Variants in CACNA1C observed in about 807,000 individuals in gnomAD.
CACNA1C encodes the protein voltage-dependent L-type calcium channel subunit alpha-1C.
In CACNA1C, 30 loss-of-function variants were observed where a neutral mutation model predicts 229.0. The ratio of observed to expected loss-of-function variants is 0.13; its 90% CI spans 0.10 to 0.18. The LOEUF (loss-of-function observed/expected upper bound fraction) is 0.18, where lower values mean the gene tolerates loss of function less well. Ranked by LOEUF, CACNA1C falls within the 10% of genes least tolerant of loss-of-function variation. CACNA1C has a pLI of 1.00. For synonymous variants in CACNA1C, 1,114 were observed against 1,132.5 expected (o/e 0.98, Z 0.33); for missense variants, 1,658 against 2,845.0 (o/e 0.58, Z 9.49).
Position 2,029,110 on chromosome 12 carries a change from C to G in CACNA1C, c.139+57909C>G, listed in dbSNP as rs2047795966. On this transcript the variant is annotated intron_variant, in intron 1 of 46. Coordinates refer to the CACNA1C transcript ENST00000682462. The surrounding 1 kb of genome is among the most constrained non-coding windows in gnomAD (Gnocchi z 4.9). Reference sequence around the variant, plus strand: ...AAGTACCTGAGTGAGAACTGAGGCCCCATGAGTGGAAATGACTTGCTCAGT... The same window carrying G: ...AAGTACCTGAGTGAGAACTGAGGCCGCATGAGTGGAAATGACTTGCTCAGT... Among the ~76,000 whole-genome samples, 1 of 152,064 alleles carries G rather than the reference C, an allele frequency of 6.6e-6. No individual in the cohort carries two copies. Among genetic ancestry groups the G allele is most frequent in the Admixed American group, 6.6e-5 (1 of 15,264 alleles).
At chr12:2,051,992 C>G (rs1446831379), upstream of CACNA1C, among the ~76,000 whole-genome samples, 7 of 152,130 alleles carry the variant, frequency 4.6e-5, no homozygotes, top group Non-Finnish European at 1.0e-4. Flanking sequence ...AGAGGTTTTC[C>G]CCAAGAGGGA....
chr12:2,503,883 A>G (rs968272412), intron 7 of CACNA1C, among the ~76,000 whole-genome samples: 2 of 152,196 alleles, frequency 1.3e-5, no homozygotes, highest in Non-Finnish European at 2.9e-5. Flanking sequence ...GGCCCGCAGT[A>G]CGTGTGAAGC....
chr12:2,638,899 G>T (rs1484063481), intron 30 of CACNA1C, among the ~76,000 whole-genome samples: 1 of 150,712 alleles, frequency 6.6e-6, no homozygotes, highest in African/African-American at 2.5e-5. Context: ...GGACACACAG[G>T]TCAGAGGCCT....
intron 3 of CACNA1C, among the ~76,000 whole-genome samples, chr12:2,324,744 G>T (rs2096208591): frequency 1.3e-5 from 2 of 152,084 alleles, no homozygotes; most frequent in African/African-American, 4.8e-5. Context: ...TCCTTGGCGG[G>T]CTTGCTTGGA....
intron 5 of CACNA1C, among the ~76,000 whole-genome samples, chr12:2,484,348 A>G (rs1202865123): frequency 6.6e-6 from 1 of 152,062 alleles, no homozygotes; most frequent in Non-Finnish European, 1.5e-5. Flanking sequence ...AGCATATTCA[A>G]CTCTCTAAAA....
At chr12:2,475,449 A>G (rs1429537361) in intron 5 of CACNA1C, among the ~76,000 whole-genome samples, 4 of 152,264 alleles carry the variant, frequency 2.6e-5, no homozygotes, top group Non-Finnish European at 5.9e-5. Flanking sequence ...TGGAATTGTC[A>G]GATATAGACT....
At chr12:2,107,896 C>T (rs2079825047) in intron 1 of CACNA1C, among the ~76,000 whole-genome samples, 3 of 152,244 alleles carry the variant, frequency 2.0e-5, no homozygotes, top group African/African-American at 7.2e-5. Context: ...CCCACAAGGA[C>T]TTTGTCTTAA....
Position 2,486,280 on chromosome 12 carries a change from C to T in CACNA1C, c.916+18C>T, listed in dbSNP as rs1299009849. Reference sequence around the variant, plus strand: ...CATAGCAGGTAAGAGGGGCAGGCGGCTGCGCTCCCAAGGCCCTGCCCTCTA... The same window carrying T: ...CATAGCAGGTAAGAGGGGCAGGCGGTTGCGCTCCCAAGGCCCTGCCCTCTA... On this transcript the variant is annotated intron_variant, in intron 6 of 46. Coordinates refer to ENST00000399655, the MANE Select transcript of CACNA1C (RefSeq NM_000719.7). This position sits in a 1 kb window ranked among gnomAD's most constrained non-coding sequence, Gnocchi z 4.9. 3 of 1,608,104 alleles carry T rather than the reference C, an allele frequency of 1.9e-6. No homozygotes were observed. The highest frequency in any genetic ancestry group is 2.6e-6 in the Non-Finnish European group (3 of 1,176,078).
chr12:2,230,225 G>A (rs1327359894), intron 3 of CACNA1C, among the ~76,000 whole-genome samples: 6 of 152,186 alleles, frequency 3.9e-5, no homozygotes, highest in Non-Finnish European at 7.4e-5. Flanking sequence ...GGGCGGGCCT[G>A]GCGCGTCTAG....
At chr12:2,265,326 T>C (rs2081963258) in intron 3 of CACNA1C, among the ~76,000 whole-genome samples, 1 of 152,234 alleles carries the variant, frequency 6.6e-6, no homozygotes. Context: ...GGAGCATTTG[T>C]TCCACTCCTG....
At position 2,007,346 on chromosome 12, in the gene CACNA1C, G is replaced by C. The variant is rs377158836; in HGVS notation, c.139+36145G>C. Among the ~76,000 whole-genome samples the C allele has an allele frequency of 8.5e-5, 13 of 152,274 alleles. No homozygotes were observed. In the East Asian group the frequency reaches 1.2e-3, roughly 14 times the overall value. On this transcript the variant is annotated intron_variant, in intron 1 of 46. Transcript: ENST00000682462. Reference sequence around the variant, plus strand: ...TGGCCTCCAAAGAACGAATTGCTTTGAGCTCATTAGAGAAGACAGGCAATA... The same window carrying C: ...TGGCCTCCAAAGAACGAATTGCTTTCAGCTCATTAGAGAAGACAGGCAATA...
chr12:2,513,203 T>C (rs1302656636), intron 9 of CACNA1C, among the ~76,000 whole-genome samples: 1 of 152,224 alleles, frequency 6.6e-6, no homozygotes, highest in African/African-American at 2.4e-5. Flanking sequence ...CATGCTCCTT[T>C]TAGAATATTT....
intron 3 of CACNA1C, among the ~76,000 whole-genome samples, chr12:2,254,328 T>A (rs1481531041): frequency 6.6e-6 from 1 of 152,186 alleles, no homozygotes; most frequent in Non-Finnish European, 1.5e-5. Flanking sequence ...GGATGTAGGC[T>A]GAGTCTTATC....
At position 2,376,323 on chromosome 12, in the gene CACNA1C, C is replaced by T. The variant is rs116750017; in HGVS notation, c.478-72653C>T. Among the ~76,000 whole-genome samples, 260 of 152,272 alleles carry T rather than the reference C, an allele frequency of 1.7e-3. 1 individual carries two copies. The highest frequency in any genetic ancestry group is 6.0e-3 in the African/African-American group (251 of 41,550). On this transcript the variant is annotated intron_variant, in intron 3 of 46. Coordinates refer to ENST00000399655, the MANE Select transcript of CACNA1C (RefSeq NM_000719.7). ...CTGAGCCTCTGTATGTGAGGACAAG[C>T]GCCCATTCTTCTTCTTATTGCAGAG...
intron 3 of CACNA1C, among the ~76,000 whole-genome samples, chr12:2,252,970 C>T (rs1160641531): frequency 6.6e-6 from 1 of 152,010 alleles, no homozygotes; most frequent in Non-Finnish European, 1.5e-5. Flanking sequence ...CCTTGTGTTA[C>T]ATGGGCAGGG....
At chr12:2,136,462 TA>T (rs1365387162) in intron 3 of CACNA1C, among the ~76,000 whole-genome samples, 2 of 151,468 alleles carry the variant, frequency 1.3e-5, no homozygotes, top group African/African-American at 4.8e-5. Flanking sequence ...TCTGTGCTTT[TA>T]ACTGCTATGC....
intron 3 of CACNA1C, among the ~76,000 whole-genome samples, chr12:2,292,525 C>A (rs1290059953): frequency 1.3e-5 from 2 of 152,180 alleles, no homozygotes; most frequent in African/African-American, 4.8e-5. Context: ...CGTTTGAAAC[C>A]TCCAGGACTT....
At chr12:2,422,829 C>T (rs1449163380) in intron 3 of CACNA1C, among the ~76,000 whole-genome samples, 1 of 152,104 alleles carries the variant, frequency 6.6e-6, no homozygotes, top group Non-Finnish European at 1.5e-5. Flanking sequence ...ACTGCAGCGG[C>T]CCGTGGGGCA....
chr12:2,249,338 A>C (rs1255095813), intron 3 of CACNA1C, among the ~76,000 whole-genome samples: 1 of 152,230 alleles, frequency 6.6e-6, no homozygotes, highest in Non-Finnish European at 1.5e-5. Context: ...GTATCAGAAC[A>C]TAGCCACACG....
Sources: gnomAD v4.1 joint callset for allele counts (sites outside exome capture counted in the v4.1 genomes callset) on GRCh38, gnomAD v4.1.1 for gene constraint, Gnocchi (gnomAD v3.1) non-coding constraint, MANE v1.5 for transcripts, NCBI Gene and HGNC (gene_info 2026-07-23, HGNC 2026-07-21) for gene names.